STARD7: variants seen among roughly 807,000 people sequenced by gnomAD.
The protein encoded by STARD7 is stAR-related lipid transfer protein 7, mitochondrial.
STARD7 carries 30 observed loss-of-function variants against 45.3 expected under a neutral mutation model. The ratio of observed to expected loss-of-function variants is 0.66; its 90% CI spans 0.50 to 0.90. The LOEUF is 0.90. Among genes scored for constraint, STARD7 ranks in the 40% least tolerant of loss-of-function variants. The pLI, the probability that STARD7 is intolerant of heterozygous loss-of-function variation, is 0.00. For missense variants in STARD7, 495 were observed against 491.3 expected (o/e 1.01, Z -0.07); for synonymous variants, 199 against 183.0 (o/e 1.09, Z -0.70).
chr2:96,190,650 A>T (rs559598764), intron 6 of STARD7, among the ~76,000 whole-genome samples: 29 of 146,476 alleles, frequency 2.0e-4, no homozygotes, highest in South Asian at 4.5e-4. Flanking sequence ...TTTATTTTTT[A>T]TTTTTTTTTT....
chr2:96,186,384 T>C lies in STARD7; in HGVS notation c.*346A>G, dbSNP rs1035625792. Reference sequence around the variant, plus strand: ...ATCCAAAGCGCTGCACAATCGATGGTGGGATTTGGAATGTCAGCAGAGGAA... The same window carrying C: ...ATCCAAAGCGCTGCACAATCGATGGCGGGATTTGGAATGTCAGCAGAGGAA... On this transcript the variant is annotated 3_prime_UTR_variant, in exon 8 of 8. Coordinates refer to ENST00000337288, the MANE Select transcript of STARD7 (RefSeq NM_020151.4). The C allele has an allele frequency of 2.8e-5, 5 of 179,736 alleles. No individual in the cohort carries two copies. The highest frequency in any genetic ancestry group is 1.9e-4 in the South Asian group (1 of 5,358). 11.1% of individuals were successfully genotyped at this position (179,736 alleles called of 1,614,324 possible).
intron 1 of STARD7, among the ~76,000 whole-genome samples, 162 bp from the exon 2 acceptor site, chr2:96,195,711 T>C (rs1460136289): frequency 6.6e-6 from 1 of 152,154 alleles, no homozygotes; most frequent in African/African-American, 2.4e-5. Context: ...TGAGTTTGAA[T>C]CTTAGTCCAA....
intron 3 of STARD7, among the ~76,000 whole-genome samples, chr2:96,194,446 A>T (rs1267536374): frequency 1.3e-5 from 2 of 152,232 alleles, no homozygotes; most frequent in Admixed American, 1.3e-4. Context: ...TCCTATCTGT[A>T]CTGAAGTGGA....
At chr2:96,198,260 T>C (rs1317212644) in intron 1 of STARD7, among the ~76,000 whole-genome samples, 1 of 151,564 alleles carries the variant, frequency 6.6e-6, no homozygotes, top group Non-Finnish European at 1.5e-5. Context: ...GAGGTGGAGG[T>C]TGCAGTGAGC....
chr2:96,206,563 G>A lies in STARD7; in HGVS notation c.290+1582C>T, dbSNP rs1055452021. On this transcript the variant is annotated intron_variant, in intron 1 of 7. Coordinates refer to ENST00000337288, the MANE Select transcript of STARD7 (RefSeq NM_020151.4). ...CGCCTGTAATCCCAGCACTTTGGGA[G>A]GCCGAGGCGGGCGGATCACGAGGTC... Among the ~76,000 whole-genome samples the A allele has an allele frequency of 3.3e-5, 5 of 152,070 alleles. No homozygotes were observed. In the South Asian group the frequency reaches 1.0e-3, roughly 32 times the overall value.
chr2:96,193,805 A>G lies in STARD7; in HGVS notation c.550-453T>C, dbSNP rs371606077. The stretch of plus-strand genomic sequence containing the variant: ...TGAAGATTTTCAACTTAAGACAGAT[A>G]TACCATATACATAAAACCAACAAAA... On this transcript the variant is annotated intron_variant, in intron 3 of 7. Coordinates refer to ENST00000337288, the MANE Select transcript of STARD7 (RefSeq NM_020151.4). 9.2e-5 allele frequency among the ~76,000 whole-genome samples: 14 copies of G among 152,376 alleles called. No homozygotes were observed. In the East Asian group the frequency reaches 2.5e-3, roughly 27 times the overall value.
At chr2:96,190,335 C>CTTT (rs1253428303) in intron 6 of STARD7, among the ~76,000 whole-genome samples, 1 of 131,724 alleles carries the variant, frequency 7.6e-6, no homozygotes, top group African/African-American at 2.8e-5. Context: ...AAGTCTGTGT[C>CTTT]TTTTTTTTTT....
At chr2:96,192,108 C>T (rs188742231) in intron 6 of STARD7, among the ~76,000 whole-genome samples, 5 of 152,166 alleles carry the variant, frequency 3.3e-5, no homozygotes, top group African/African-American at 4.8e-5. Context: ...CAGGCTAATG[C>T]GTCAGTGGCT....
Position 96,192,385 on chromosome 2 carries a change from T to C in STARD7, c.827A>G (p.His276Arg), listed in dbSNP as rs778649160. The C allele has an allele frequency of 5.6e-6, 9 of 1,613,434 alleles. 1 individual carries two copies. In the Admixed American group the frequency reaches 6.7e-5, roughly 12 times the overall value. ...AAAACTCACCTCATCAAATGACTTG[T>C]GGGGACGGATAACCATTTGGGATTC... The part of the protein sequence containing the change: ...SYESQMVIRP[H>R]KSFDENGFDY... The change falls in exon 6 of 8, where the codon CAC becomes CGC. Residue 276 changes from histidine (H) to arginine (R), a missense_variant. This residue lies in a region of STARD7 where 213 missense variants were observed against 271.2 expected (regional missense o/e 0.79). Coordinates refer to ENST00000337288, the MANE Select transcript of STARD7 (RefSeq NM_020151.4).
At chr2:96,187,018 T>C in intron 7 of STARD7, 104 bp from the exon 8 acceptor site, 3 of 1,137,070 alleles carry the variant, frequency 2.6e-6, no homozygotes, top group Non-Finnish European at 3.7e-6. Context: ...TTCTTCCTTA[T>C]AAAGATCACA....
At chr2:96,204,925 A>G (rs1160952445) in intron 1 of STARD7, among the ~76,000 whole-genome samples, 1 of 152,202 alleles carries the variant, frequency 6.6e-6, no homozygotes, top group Non-Finnish European at 1.5e-5. Flanking sequence ...TTCTGGAGCA[A>G]TGAACTGTAA....
rs941198705 is a variant in STARD7, at chr2:96,208,277, G to C, written c.158C>G (p.Ser53Ter). The C allele has an allele frequency of 1.9e-6, 3 of 1,611,366 alleles. No individual in the cohort carries two copies. Among genetic ancestry groups the C allele is most frequent in the Non-Finnish European group, 1.7e-6 (2 of 1,179,340 alleles). The change falls in exon 1 of 8, where the codon TCA becomes TGA. Residue 53 changes from serine to a stop codon, truncating the protein, a stop_gained. Coordinates refer to ENST00000337288, the MANE Select transcript of STARD7 (RefSeq NM_020151.4). LOFTEE classifies it high-confidence loss of function. Reference sequence around the variant, plus strand: ...GAGGCGGCCGAGGAGAACGCGGCGTGAGCTCTCGGAGTAGAGGCGGCCGTA... The same window carrying C: ...GAGGCGGCCGAGGAGAACGCGGCGTCAGCTCTCGGAGTAGAGGCGGCCGTA... ...QLYGRLYSES[S>*]RRVLLGRLWR...
chr2:96,207,671 A>G (rs1250665187), intron 1 of STARD7, among the ~76,000 whole-genome samples: 2 of 152,192 alleles, frequency 1.3e-5, no homozygotes, highest in Non-Finnish European at 1.5e-5. Context: ...CAATTTTGCC[A>G]CGAGTCACGA....
At chr2:96,203,880 T>A (rs1385712746) in intron 1 of STARD7, among the ~76,000 whole-genome samples, 1 of 151,840 alleles carries the variant, frequency 6.6e-6, no homozygotes, top group Non-Finnish European at 1.5e-5. Context: ...GCAGGAGAAC[T>A]GCTTGAAACC....
At chr2:96,205,925 T>C (rs573150447) in intron 1 of STARD7, among the ~76,000 whole-genome samples, 168 of 152,238 alleles carry the variant, frequency 1.1e-3, no homozygotes, top group African/African-American at 4.0e-3. Flanking sequence ...AACAATGAAA[T>C]GTTAAATGAG....
At chr2:96,187,426 T>C in intron 6 of STARD7, 125 bp from the exon 7 acceptor site, 1 of 656,138 alleles carries the variant, frequency 1.5e-6, no homozygotes, top group Non-Finnish European at 2.7e-6. Context: ...TTTCACCCTG[T>C]GCAGAAAAGA....
chr2:96,200,275 C>T (rs1683284061), intron 1 of STARD7, among the ~76,000 whole-genome samples: 1 of 152,146 alleles, frequency 6.6e-6, no homozygotes, highest in Non-Finnish European at 1.5e-5. Flanking sequence ...GATGGGGTTG[C>T]ACCATGTTGC....
intron 1 of STARD7, among the ~76,000 whole-genome samples, chr2:96,207,083 GA>G (rs1308552388): frequency 6.6e-6 from 1 of 152,184 alleles, no homozygotes; most frequent in Non-Finnish European, 1.5e-5. Flanking sequence ...TTCCTGCTAG[GA>G]AAAGTATTCC....
rs965601196 is a variant in STARD7, at chr2:96,185,323, A to G, written c.*1407T>C. On this transcript the variant is annotated 3_prime_UTR_variant, in exon 8 of 8. Transcript: ENST00000337288. The stretch of plus-strand genomic sequence containing the variant: ...AACAAGAAGGTCAAGGAAGTGTTTA[A>G]GTTAGTCTCAGGTTTAAACCACTTT... The G allele has an allele frequency of 6.6e-6, 1 of 152,628 alleles. No individual in the cohort carries two copies. Among genetic ancestry groups the G allele is most frequent in the African/African-American group, 2.4e-5 (1 of 41,460 alleles). 9.5% of individuals were successfully genotyped at this position (152,628 alleles called of 1,614,324 possible).
Sources: allele counts gnomAD v4.1 joint callset (sites outside exome capture counted in the v4.1 genomes callset), GRCh38; gene constraint gnomAD v4.1.1; regional missense constraint gnomAD v4.1.1; transcripts MANE v1.5; gene names NCBI Gene and HGNC (gene_info 2026-07-23, HGNC 2026-07-21).